Variants in CD8B observed in about 807,000 individuals in gnomAD.
CD8B encodes CD8 subunit beta, also known as T-cell surface glycoprotein CD8 beta chain.
A neutral mutation model predicts 24.2 loss-of-function variants in CD8B; 6 were observed. The observed-to-expected ratio is 0.25, with a 90% CI of 0.14 to 0.49. The LOEUF is 0.49. CD8B is among the 20% of genes least tolerant of loss of function. The pLI, the probability that CD8B is intolerant of heterozygous loss-of-function variation, is 0.98. For synonymous variants in CD8B, 84 were observed against 108.3 expected, an observed-to-expected ratio of 0.78 and a Z score of 1.39; for missense variants, 196 against 271.3, an observed-to-expected ratio of 0.72 and a Z score of 1.95.
chr2:86,816,172 A>C (rs148840960), intron 5 of CD8B, among the ~76,000 whole-genome samples: 47 of 152,346 alleles, frequency 3.1e-4, no homozygotes, highest in Admixed American at 2.0e-4. Context: ...CAACAGCTGC[A>C]GGAGACTTCA....
chr2:86,833,047 C>A, intron 5 of CD8B: 1 of 408,888 alleles, frequency 2.4e-6, no homozygotes, highest in Non-Finnish European at 4.9e-6. Flanking sequence ...CTTGCTGCAG[C>A]CTCCTCACAG....
rs1445179093 is a variant in CD8B at position 86,853,013 on chromosome 2, C to G, written c.477G>C (p.Arg159Ser). 2 of 1,535,840 alleles carry G rather than the reference C, an allele frequency of 1.3e-6. No homozygotes were observed. ...GGAACTCACCCTTCTGGGTCTCTGG[C>G]CTGGGTAACCGGCACACTCTCTTCT... ...TLKKRVCRLP[R>S]PETQKGPLCS... Residue 159 changes from arginine to serine, a missense_variant, in exon 3 of 6, where the codon AGG becomes AGC. Transcript: ENST00000390655.
Position 86,820,976 on chromosome 2 carries a change from C to T in CD8B, c.621-5258G>A, listed in dbSNP as rs1178469727. ...AGAGGTTAATTCACTTGCTCAGAGT[C>T]ACACAGGTAGCCCAGATCTGCTATG... On this transcript the variant is annotated intron_variant, in intron 5 of 5. Coordinates refer to the CD8B transcript ENST00000331469. 2.0e-5 allele frequency among the ~76,000 whole-genome samples: 3 copies of T among 152,222 alleles called. No individual in the cohort carries two copies. In the East Asian group the frequency reaches 5.8e-4, roughly 29 times the overall value.
intron 5 of CD8B, among the ~76,000 whole-genome samples, chr2:86,816,654 T>C (rs1487399426): frequency 6.6e-6 from 1 of 152,170 alleles, no homozygotes; most frequent in East Asian, 1.9e-4. Context: ...TGCTGTGACA[T>C]TGGCTTCCCA....
chr2:86,831,848 G>A (rs1674916429), intron 5 of CD8B, among the ~76,000 whole-genome samples: 2 of 152,306 alleles, frequency 1.3e-5, no homozygotes, highest in South Asian at 4.1e-4. Context: ...GGGGGAGTGA[G>A]AGAAGTATTA....
At position 86,839,900 on chromosome 2, in the gene CD8B, A is replaced by C. The variant is rs1675340210; in HGVS notation, c.*2407T>G. On this transcript the variant is annotated 3_prime_UTR_variant, in exon 6 of 6. Coordinates refer to ENST00000390655, the MANE Select transcript of CD8B (RefSeq NM_004931.5). Reference sequence around the variant, plus strand: ...GGGCCGGGTGAGGGGCCCACCTGAAACACGAACCCTAGAGGAGTCTGGTCC... The same window carrying C: ...GGGCCGGGTGAGGGGCCCACCTGAACCACGAACCCTAGAGGAGTCTGGTCC... Among the ~76,000 whole-genome samples the C allele has an allele frequency of 6.6e-6, 1 of 152,038 alleles. No individual in the cohort carries two copies. The highest frequency in any genetic ancestry group is 1.5e-5 in the Non-Finnish European group (1 of 67,994).
intron 5 of CD8B, among the ~76,000 whole-genome samples, chr2:86,831,838 G>C (rs748726969): frequency 1.3e-5 from 2 of 152,298 alleles, no homozygotes; most frequent in East Asian, 3.9e-4. Flanking sequence ...ACTAGGGGCT[G>C]GGGGAGTGAG....
chr2:86,845,508 C>T (rs1675633627), intron 4 of CD8B, among the ~76,000 whole-genome samples: 1 of 151,984 alleles, frequency 6.6e-6, no homozygotes, highest in Admixed American at 6.6e-5. Context: ...GTTGTCTAGG[C>T]TAGACTTGAA....
intron 5 of CD8B, among the ~76,000 whole-genome samples, chr2:86,825,220 G>A (rs569025271): frequency 6.6e-6 from 1 of 152,188 alleles, no homozygotes; most frequent in African/African-American, 2.4e-5. Flanking sequence ...GGGTTGGAGA[G>A]GGGCCGCCCT....
At chr2:86,853,178 C>T in intron 2 of CD8B, 92 bp from the exon 3 acceptor site, 3 of 1,543,740 alleles carry the variant, frequency 1.9e-6, no homozygotes, top group Non-Finnish European at 2.6e-6. Context: ...TGCGGTGGCT[C>T]ATGCCTGGAA....
rs1431689054 is a variant in CD8B at position 86,838,356 on chromosome 2, T to A, written c.*3951A>T. Reference sequence around the variant, plus strand: ...ACAAATATACCCGGAGGCCTTGATTTATTATTAGAGAAAAAAGATCAAATC... The same window carrying A: ...ACAAATATACCCGGAGGCCTTGATTAATTATTAGAGAAAAAAGATCAAATC... On this transcript the variant is annotated 3_prime_UTR_variant, in exon 6 of 6. Transcript: ENST00000390655. Among the ~76,000 whole-genome samples the A allele has an allele frequency of 6.6e-6, 1 of 152,182 alleles. No homozygotes were observed. Among genetic ancestry groups the A allele is most frequent in the Non-Finnish European group, 1.5e-5 (1 of 68,028 alleles).
chr2:86,860,493 A>G (rs2104590026), intron 1 of CD8B, among the ~76,000 whole-genome samples: 1 of 152,156 alleles, frequency 6.6e-6, no homozygotes, highest in African/African-American at 2.4e-5. Flanking sequence ...TGGCGCATAC[A>G]TTATCTCATT....
intron 5 of CD8B, among the ~76,000 whole-genome samples, chr2:86,825,082 C>G (rs532549219): frequency 6.6e-6 from 1 of 152,330 alleles, no homozygotes; most frequent in East Asian, 1.9e-4. Context: ...TCCACAGCTC[C>G]TAAGGCAGCT....
chr2:86,822,460 T>C (rs538310032), intron 5 of CD8B: 4 of 779,704 alleles, frequency 5.1e-6, no homozygotes, highest in Non-Finnish European at 8.7e-6. Context: ...AAGTAAACAA[T>C]GATAATGCAT....
rs1675291796 is a variant in CD8B, at chr2:86,838,853, G to A, written c.*3454C>T. On this transcript the variant is annotated 3_prime_UTR_variant, in exon 6 of 6. Transcript: ENST00000390655. ...ATTTTACACATTTCTACAATGTTCT[G>A]TACTTGGATTTTAAAAAGTCTCTTT... Among the ~76,000 whole-genome samples the A allele has an allele frequency of 6.6e-6, 1 of 152,148 alleles. No homozygotes were observed. Among genetic ancestry groups the A allele is most frequent in the Non-Finnish European group, 1.5e-5 (1 of 68,032 alleles).
intron 2 of CD8B, among the ~76,000 whole-genome samples, chr2:86,853,941 A>G (rs1676102988): frequency 6.6e-6 from 1 of 152,064 alleles, no homozygotes; most frequent in African/African-American, 2.4e-5. Flanking sequence ...GGGTTTCACC[A>G]TGTTGGCCAG....
intron 2 of CD8B, 146 bp from the exon 3 acceptor site, chr2:86,853,232 A>G (rs1448213512): frequency 7.3e-7 from 1 of 1,364,634 alleles, no homozygotes; most frequent in African/African-American, 1.5e-5. Flanking sequence ...ATTTGAGCTC[A>G]GGAGGTTGAG....
downstream of CD8B, among the ~76,000 whole-genome samples, chr2:86,834,935 C>CAAAAAAA (rs59354571): frequency 1.1e-5 from 1 of 93,950 alleles, no homozygotes; most frequent in African/African-American, 3.9e-5. Context: ...AACTCTGTCT[C>CAAAAAAA]AAAAAAAAAA....
intron 2 of CD8B, among the ~76,000 whole-genome samples, chr2:86,857,166 T>C (rs1419621616): frequency 6.6e-6 from 1 of 152,010 alleles, no homozygotes; most frequent in Non-Finnish European, 1.5e-5. Context: ...CAAGCAGAGC[T>C]GGGCCTGGCT....
Sources: gnomAD v4.1 joint callset for allele counts (sites outside exome capture counted in the v4.1 genomes callset) on GRCh38, gnomAD v4.1.1 for gene constraint, MANE v1.5 for transcripts, NCBI Gene and HGNC (gene_info 2026-07-23, HGNC 2026-07-21) for gene names.